Variants in TGFBR3 observed in about 807,000 individuals in gnomAD.
TGFBR3 encodes transforming growth factor beta receptor 3, also known as transforming growth factor beta receptor type 3.
Under a neutral mutation model 87.9 loss-of-function variants are expected in TGFBR3, and 46 were observed. The ratio of observed to expected loss-of-function variants is 0.52; its 90% CI spans 0.41 to 0.67. The LOEUF is 0.67. Ranked by LOEUF, TGFBR3 falls within the 30% of genes least tolerant of loss-of-function variation. The pLI, the probability that TGFBR3 is intolerant of heterozygous loss-of-function variation, is 0.00. For missense variants in TGFBR3, 866 were observed against 1,041.9 expected, an observed-to-expected ratio of 0.83 and a Z score of 2.32; for synonymous variants, 381 against 391.6, an observed-to-expected ratio of 0.97 and a Z score of 0.32.
At chr1:91,835,477 T>A (rs964050184) in intron 2 of TGFBR3, among the ~76,000 whole-genome samples, 3 of 152,110 alleles carry the variant, frequency 2.0e-5, no homozygotes, top group African/African-American at 7.2e-5. Flanking sequence ...AACAGGATAT[T>A]AGAAAGGTAG....
intron 1 of TGFBR3, among the ~76,000 whole-genome samples, chr1:91,885,593 G>A (rs1408462258): frequency 6.6e-6 from 1 of 152,190 alleles, no homozygotes; most frequent in Non-Finnish European, 1.5e-5. Context: ...GGAAGAGTGA[G>A]GGCGGGCGTG....
chr1:91,886,728 A>G (rs1312193490), upstream of TGFBR3, among the ~76,000 whole-genome samples: 1 of 152,000 alleles, frequency 6.6e-6, no homozygotes, highest in African/African-American at 2.4e-5. Context: ...TCACGCTCTG[A>G]TGGTGGGCGC....
chr1:91,750,328 G>T (rs1041961339), intron 4 of TGFBR3, among the ~76,000 whole-genome samples: 3 of 152,174 alleles, frequency 2.0e-5, no homozygotes, highest in Non-Finnish European at 2.9e-5. Flanking sequence ...TCTGGACCAG[G>T]TTTACCAGTT....
chr1:91,812,608 A>G (rs191275447), intron 2 of TGFBR3, among the ~76,000 whole-genome samples: 6 of 152,138 alleles, frequency 3.9e-5, no homozygotes, highest in African/African-American at 1.2e-4. Flanking sequence ...TCTGTGCTTT[A>G]TAGTTTTTTC....
chr1:91,792,727 GAC>G (rs1171203336), intron 3 of TGFBR3, among the ~76,000 whole-genome samples: 1 of 152,170 alleles, frequency 6.6e-6, no homozygotes, highest in East Asian at 1.9e-4. Flanking sequence ...TCGGGAGTCC[GAC>G]ACAAGGGGGC....
intron 16 of TGFBR3, among the ~76,000 whole-genome samples, chr1:91,694,769 A>C (rs903645025): frequency 6.6e-6 from 1 of 152,216 alleles, no homozygotes; most frequent in Non-Finnish European, 1.5e-5. Flanking sequence ...TCAATCTAGC[A>C]CAGTTTATCT....
At chr1:91,753,643 T>C (rs1291809106) in intron 4 of TGFBR3, among the ~76,000 whole-genome samples, 1 of 152,200 alleles carries the variant, frequency 6.6e-6, no homozygotes, top group African/African-American at 2.4e-5. Context: ...ATTACTAATC[T>C]ACTTTCTGTT....
rs571381281 is a variant in TGFBR3 at position 91,804,838 on chromosome 1, C to T, written c.62-7367G>A. Among the ~76,000 whole-genome samples the T allele has an allele frequency of 9.9e-5, 15 of 152,278 alleles. No individual in the cohort carries two copies. In the South Asian group the frequency reaches 2.5e-3, roughly 25 times the overall value. On this transcript the variant is annotated intron_variant, in intron 2 of 16. Coordinates refer to ENST00000212355, the MANE Select transcript of TGFBR3 (RefSeq NM_003243.5). ...TGGCCACGGCTGAAAACCCACATCC[C>T]GTCTTCCCTACGCAATCTCTTCCCT... is the stretch of plus-strand genomic sequence containing the variant.
chr1:91,712,525 A>G lies in TGFBR3; in HGVS notation c.1884T>C (p.Ala628=). The G allele has an allele frequency of 6.2e-7, 1 of 1,614,216 alleles. No homozygotes were observed. The highest frequency in any genetic ancestry group is 8.5e-7 in the Non-Finnish European group (1 of 1,180,030). Reference sequence around the variant, plus strand: ...GGATGGCAAATCCCAGTTCTTGTTCAGCCTTAGTAACAGATACCTATGAAA... The same window carrying G: ...GGATGGCAAATCCCAGTTCTTGTTCGGCCTTAGTAACAGATACCTATGAAA... ...HVYVEVSVTK[A]EQELGFAIQT... Residue 628 remains alanine (A), a synonymous_variant, in exon 13 of 17, where the codon GCT becomes GCC. Transcript: ENST00000212355.
At chr1:91,748,084 T>C (rs1673409074) in intron 4 of TGFBR3, among the ~76,000 whole-genome samples, 1 of 152,142 alleles carries the variant, frequency 6.6e-6, no homozygotes, top group African/African-American at 2.4e-5. Context: ...AACAACAGTT[T>C]GGGAAAAAAA....
intron 2 of TGFBR3, among the ~76,000 whole-genome samples, chr1:91,829,395 CAAA>C (rs71586715): frequency 7.1e-6 from 1 of 140,304 alleles, no homozygotes; most frequent in Admixed American, 7.1e-5. Flanking sequence ...AACAAACAAA[CAAA>C]AAAAAAAAAA....
intron 1 of TGFBR3, among the ~76,000 whole-genome samples, chr1:91,870,065 ATAC>A (rs1678528468): frequency 6.6e-6 from 1 of 152,252 alleles, no homozygotes; most frequent in Admixed American, 6.5e-5. Context: ...CAGAATATTA[ATAC>A]TACATTAGCT....
chr1:91,786,852 T>C (rs1674989680), intron 3 of TGFBR3, among the ~76,000 whole-genome samples: 1 of 152,120 alleles, frequency 6.6e-6, no homozygotes, highest in African/African-American at 2.4e-5. Context: ...GGAAGCCAGA[T>C]TGAAAAGCCA....
At chr1:91,760,825 G>A (rs2100902082) in intron 3 of TGFBR3, among the ~76,000 whole-genome samples, 1 of 152,300 alleles carries the variant, frequency 6.6e-6, no homozygotes, top group Admixed American at 6.5e-5. Flanking sequence ...GATAGCCACT[G>A]AGAAGAAGAG....
intron 3 of TGFBR3, among the ~76,000 whole-genome samples, chr1:91,771,191 T>C (rs1674365583): frequency 6.6e-6 from 1 of 152,172 alleles, no homozygotes; most frequent in African/African-American, 2.4e-5. Context: ...GAGGTTCTCA[T>C]GTTATGTTTT....
rs545306876 is a variant in TGFBR3 at position 91,733,390 on chromosome 1, G to C, written c.568+1386C>G. ...CGGTGGAAATGACATCTTCCTCCTG[G>C]GGTTACTGTGGGGTTAAGTGGGATG... On this transcript the variant is annotated intron_variant, in intron 5 of 16. Coordinates refer to ENST00000212355, the MANE Select transcript of TGFBR3 (RefSeq NM_003243.5). 2.0e-5 allele frequency among the ~76,000 whole-genome samples: 3 copies of C among 152,310 alleles called. No homozygotes were observed. The East Asian group carries it at 5.8e-4, about 29-fold the overall frequency.
At chr1:91,867,925 T>G (rs766944053) in intron 1 of TGFBR3, among the ~76,000 whole-genome samples, 1 of 152,196 alleles carries the variant, frequency 6.6e-6, no homozygotes, top group Non-Finnish European at 1.5e-5. Flanking sequence ...TTTATTTTAT[T>G]CTTTCTTTTT....
intron 3 of TGFBR3, among the ~76,000 whole-genome samples, chr1:91,794,607 C>A (rs192391106): frequency 6.8e-4 from 104 of 152,300 alleles, no homozygotes; most frequent in African/African-American, 2.3e-3. Context: ...CTATAAATTT[C>A]TGTATCCTGA....
intron 1 of TGFBR3, among the ~76,000 whole-genome samples, chr1:91,882,345 C>T (rs1219937664): frequency 6.6e-6 from 1 of 151,642 alleles, no homozygotes; most frequent in Non-Finnish European, 1.5e-5. Flanking sequence ...CCATGTTGGC[C>T]AGGCTGGTCT....
Sources: allele counts gnomAD v4.1 joint callset (sites outside exome capture counted in the v4.1 genomes callset), GRCh38; gene constraint gnomAD v4.1.1; transcripts MANE v1.5; gene names NCBI Gene and HGNC (gene_info 2026-07-23, HGNC 2026-07-21).